Variants in ADGRL2 observed in about 807,000 individuals in gnomAD.
The protein encoded by ADGRL2 is calcium-independent alpha-latrotoxin receptor 2.
In ADGRL2, 44 loss-of-function variants were observed where a neutral mutation model predicts 157.4. The ratio of observed to expected loss-of-function variants is 0.28; its 90% CI spans 0.22 to 0.36. ADGRL2 has a LOEUF of 0.36. Ranked by LOEUF, ADGRL2 falls within the 10% of genes least tolerant of loss-of-function variation. The pLI is 1.00. For missense variants in ADGRL2, 1,510 were observed against 1,768.9 expected (o/e 0.85, Z 2.63); for synonymous variants, 585 against 624.7 (o/e 0.94, Z 0.95).
intron 3 of ADGRL2, among the ~76,000 whole-genome samples, chr1:81,654,232 C>T (rs915349018): frequency 4.6e-5 from 7 of 152,222 alleles, no homozygotes; most frequent in Non-Finnish European, 1.0e-4. Flanking sequence ...AGGCGTGAGC[C>T]ACCACACCCA....
At chr1:81,576,635 C>T (rs931536368) in intron 2 of ADGRL2, among the ~76,000 whole-genome samples, 4 of 152,082 alleles carry the variant, frequency 2.6e-5, no homozygotes, top group African/African-American at 7.2e-5. Context: ...GTTCGGCGCA[C>T]CCACATTTCA....
intron 1 of ADGRL2, among the ~76,000 whole-genome samples, chr1:81,743,389 G>C (rs895091909): frequency 1.8e-5 from 2 of 108,140 alleles, no homozygotes; most frequent in African/African-American, 8.4e-5. Flanking sequence ...GCTAATAACA[G>C]AAGGTTTTTT....
upstream of ADGRL2, among the ~76,000 whole-genome samples, chr1:81,797,837 T>C (rs1355442020): frequency 1.3e-5 from 2 of 152,172 alleles, no homozygotes; most frequent in African/African-American, 2.4e-5. Context: ...ATGGTTAAAA[T>C]GTTTGAAGCC....
chr1:81,763,035 C>T (rs2085947505), intron 2 of ADGRL2, among the ~76,000 whole-genome samples: 1 of 118,158 alleles, frequency 8.5e-6, no homozygotes, highest in Admixed American at 1.0e-4. Context: ...GTGACAGAGC[C>T]AGACTCCGTC....
upstream of ADGRL2, among the ~76,000 whole-genome samples, chr1:81,697,233 C>T (rs1244237269): frequency 6.6e-6 from 1 of 152,088 alleles, no homozygotes; most frequent in Non-Finnish European, 1.5e-5. Context: ...GCATAAGCTT[C>T]CTGAACCATA....
chr1:81,646,876 T>G (rs1188767359), intron 3 of ADGRL2, among the ~76,000 whole-genome samples: 1 of 152,188 alleles, frequency 6.6e-6, no homozygotes, highest in Non-Finnish European at 1.5e-5. Context: ...TCACCAGCAT[T>G]ACAGGATGAT....
At chr1:81,811,593 T>C (rs1203681469) in intron 1 of ADGRL2, among the ~76,000 whole-genome samples, 1 of 151,692 alleles carries the variant, frequency 6.6e-6, no homozygotes, top group Non-Finnish European at 1.5e-5. Flanking sequence ...GAAGAGCACA[T>C]TGTGTAAACA....
intron 2 of ADGRL2, among the ~76,000 whole-genome samples, chr1:81,474,948 T>C (rs2078241915): frequency 6.6e-6 from 1 of 152,162 alleles, no homozygotes; most frequent in African/African-American, 2.4e-5. Flanking sequence ...CTGCCACCAG[T>C]ATAGTTCCTA....
chr1:81,769,430 C>A (rs1380767385), intron 2 of ADGRL2, among the ~76,000 whole-genome samples: 1 of 152,028 alleles, frequency 6.6e-6, no homozygotes, highest in East Asian at 1.9e-4. Context: ...GTGTTAGTGT[C>A]ATGTGTTGAA....
chr1:81,708,866 G>A, intron 1 of ADGRL2, among the ~76,000 whole-genome samples: 1 of 151,964 alleles, frequency 6.6e-6, no homozygotes, highest in South Asian at 2.1e-4. Flanking sequence ...ATCAAATAGT[G>A]CTACTCAAAC....
At chr1:81,351,330 C>A (rs1312336809) in intron 1 of ADGRL2, among the ~76,000 whole-genome samples, 3 of 151,510 alleles carry the variant, frequency 2.0e-5, no homozygotes, top group African/African-American at 4.9e-5. Flanking sequence ...AAGCTTTAAG[C>A]TTTTGTTCTG....
At chr1:81,573,931 T>C (rs532167128) in intron 2 of ADGRL2, among the ~76,000 whole-genome samples, 10 of 152,228 alleles carry the variant, frequency 6.6e-5, no homozygotes, top group African/African-American at 2.2e-4. Context: ...GTTAGAGAAG[T>C]CTCTAATTGA....
chr1:81,326,010 A>T (rs938741082), intron 1 of ADGRL2, among the ~76,000 whole-genome samples: 5 of 152,220 alleles, frequency 3.3e-5, no homozygotes, highest in African/African-American at 1.2e-4. Flanking sequence ...TTTCCAAAAA[A>T]ACAATTCTTT....
chr1:81,561,330 C>A (rs958376167), intron 2 of ADGRL2, among the ~76,000 whole-genome samples: 13 of 151,966 alleles, frequency 8.6e-5, no homozygotes, highest in Non-Finnish European at 4.4e-5. Context: ...CAGTGCATGA[C>A]CTATAATAGG....
chr1:81,907,406 A>T (rs1232695076), intron 3 of ADGRL2, among the ~76,000 whole-genome samples, 176 bp downstream of exon 3: 1 of 152,238 alleles, frequency 6.6e-6, no homozygotes, highest in African/African-American at 2.4e-5. Context: ...CAACATTCAA[A>T]TATGTAAATC....
intron 1 of ADGRL2, among the ~76,000 whole-genome samples, chr1:81,391,882 A>G (rs1441490121): frequency 6.6e-6 from 1 of 152,214 alleles, no homozygotes; most frequent in East Asian, 1.9e-4. Flanking sequence ...TAAAAATATT[A>G]AGTACTACCA....
chr1:81,748,200 C>G (rs957719945), intron 1 of ADGRL2, among the ~76,000 whole-genome samples: 2 of 151,728 alleles, frequency 1.3e-5, no homozygotes, highest in African/African-American at 4.8e-5. Flanking sequence ...TAGAAGAGAC[C>G]GGGTGCGGTG....
intron 3 of ADGRL2, among the ~76,000 whole-genome samples, chr1:81,681,663 A>C (rs2083116786): frequency 6.6e-6 from 1 of 152,202 alleles, no homozygotes; most frequent in South Asian, 2.1e-4. Context: ...GTTTTCATTA[A>C]CATCTTGCAG....
intron 2 of ADGRL2, among the ~76,000 whole-genome samples, chr1:81,453,361 G>C (rs1040569888): frequency 6.6e-6 from 1 of 152,158 alleles, no homozygotes; most frequent in African/African-American, 2.4e-5. Context: ...GAAAAACAAA[G>C]ACATCTCTCG....
Sources: allele counts gnomAD v4.1 joint callset (sites outside exome capture counted in the v4.1 genomes callset), GRCh38; gene constraint gnomAD v4.1.1; transcripts MANE v1.5; gene names NCBI Gene and HGNC (gene_info 2026-07-23, HGNC 2026-07-21).